Variants in MROH2B observed in about 807,000 individuals in gnomAD.
The protein encoded by MROH2B is maestro heat-like repeat-containing protein family member 2B.
In MROH2B, 177 loss-of-function variants were observed where a neutral mutation model predicts 208.6. The ratio of observed to expected loss-of-function variants is 0.85; its 90% CI spans 0.75 to 0.96. MROH2B has a LOEUF of 0.96. Among genes scored for constraint, MROH2B ranks in the 40% least tolerant of loss-of-function variants. The probability of loss-of-function intolerance (pLI) is 0.00; values close to 1 mark genes in which losing one functional copy is unlikely to be tolerated. For synonymous variants in MROH2B, 728 were observed against 659.0 expected (o/e 1.10, Z -1.60); for missense variants, 2,002 against 1,878.7 (o/e 1.07, Z -1.21).
intron 21 of MROH2B, among the ~76,000 whole-genome samples, chr5:41,035,198 T>A (rs1742715009): frequency 6.6e-6 from 1 of 152,092 alleles, no homozygotes; most frequent in South Asian, 2.1e-4. Flanking sequence ...ACTATAAGGC[T>A]ATAGTAATCA....
intron 37 of MROH2B, among the ~76,000 whole-genome samples, chr5:41,002,749 C>A (rs887869883): frequency 3.3e-5 from 5 of 152,094 alleles, no homozygotes; most frequent in Admixed American, 6.5e-5. Flanking sequence ...TGACACTGGG[C>A]AACATTATCT....
At chr5:41,023,910 A>G (rs1212196622) in intron 24 of MROH2B, among the ~76,000 whole-genome samples, 1 of 152,254 alleles carries the variant, frequency 6.6e-6, no homozygotes, top group South Asian at 2.1e-4. Flanking sequence ...TTTTCAACCC[A>G]GAATTTCATA....
At chr5:41,001,798 C>A (rs7724910) in intron 37 of MROH2B, among the ~76,000 whole-genome samples, 1 of 151,630 alleles carries the variant, frequency 6.6e-6, no homozygotes, top group Non-Finnish European at 1.5e-5. Flanking sequence ...ATTGGAGTTA[C>A]GTTTCAGAGT....
At chr5:41,036,568 A>G (rs1742767024) in intron 21 of MROH2B, among the ~76,000 whole-genome samples, 1 of 152,200 alleles carries the variant, frequency 6.6e-6, no homozygotes, top group African/African-American at 2.4e-5. Flanking sequence ...TTGTAGCAAC[A>G]AGGATGGAGC....
At chr5:41,062,603 A>G (rs1197186915) in intron 5 of MROH2B, among the ~76,000 whole-genome samples, 3 of 152,214 alleles carry the variant, frequency 2.0e-5, no homozygotes, top group Non-Finnish European at 2.9e-5. Flanking sequence ...AAATAATAAT[A>G]TTATTTTCTT....
chr5:41,065,565 C>T, intron 3 of MROH2B, 75 bp from the exon 4 acceptor site: 2 of 1,174,360 alleles, frequency 1.7e-6, no homozygotes, highest in Admixed American at 2.3e-5. Context: ...AACTAGTCAG[C>T]ATAATATTTA....
At chr5:41,008,554 G>A in intron 33 of MROH2B, 52 bp downstream of exon 33, 1 of 1,592,240 alleles carries the variant, frequency 6.3e-7, no homozygotes, top group Non-Finnish European at 8.6e-7. Flanking sequence ...CACCACTCCT[G>A]GAGTCTGGGA....
chr5:41,069,872 G>A (rs1023756295), intron 1 of MROH2B, 120 bp from the exon 2 acceptor site: 1 of 708,774 alleles, frequency 1.4e-6, no homozygotes, highest in African/African-American at 1.8e-5. Flanking sequence ...TCTCTCCCTT[G>A]ACTGCTAGCT....
At chr5:41,067,081 CT>C (rs1743835069) in intron 3 of MROH2B, 26 bp downstream of exon 3, 2 of 1,409,376 alleles carry the variant, frequency 1.4e-6, no homozygotes, top group Admixed American at 2.0e-5. Context: ...CATAAAGACC[CT>C]TTTCACCATC....
In MROH2B at chr5:41,018,797, A is replaced by G; in HGVS notation, c.2578-11T>C. 1.2e-6 allele frequency: 2 copies of G among 1,613,812 alleles called. No individual in the cohort carries two copies. Among genetic ancestry groups the G allele is most frequent in the Non-Finnish European group, 1.7e-6 (2 of 1,179,820 alleles). On this transcript the variant is annotated splice_polypyrimidine_tract_variant and intron_variant, in intron 25 of 41. Coordinates refer to ENST00000399564, the MANE Select transcript of MROH2B (RefSeq NM_173489.5). Reference sequence around the variant, plus strand: ...TCGTTCATAGAGAAACTGAAATCAAATATGTGTGTGTGAGTCTCAGGCTGG... The same window carrying G: ...TCGTTCATAGAGAAACTGAAATCAAGTATGTGTGTGTGAGTCTCAGGCTGG...
At chr5:41,059,504 C>G (rs1743571321) in intron 6 of MROH2B, among the ~76,000 whole-genome samples, 1 of 152,082 alleles carries the variant, frequency 6.6e-6, no homozygotes, top group Non-Finnish European at 1.5e-5. Context: ...TTTGTATCAG[C>G]TACATTTTAC....
In MROH2B at chr5:41,058,202, G is replaced by C; in HGVS notation, c.617C>G (p.Thr206Ser). ...KWAPLASPMQ[T>S]LSIVKAHGPT... ...CCCGTGGGCCTTAACGATGCTCAAA[G>C]TCTGTACAGGCAGCAAACAAATACC... Residue 206 changes from threonine to serine, a missense_variant and splice_region_variant, in exon 7 of 42, where the codon ACT becomes AGT. By Grantham distance (58) the Thr-to-Ser change is moderately conservative. Transcript: ENST00000399564. 4 of 1,558,404 alleles carry C rather than the reference G, an allele frequency of 2.6e-6. No individual in the cohort carries two copies. The highest frequency in any genetic ancestry group is 3.5e-6 in the Non-Finnish European group (4 of 1,151,120).
Position 41,005,622 on chromosome 5 carries a change from C to T in MROH2B, c.3773G>A (p.Gly1258Glu). 6.2e-7 allele frequency: 1 copy of T among 1,611,874 alleles called. No homozygotes were observed. The highest frequency in any genetic ancestry group is 8.5e-7 in the Non-Finnish European group (1 of 1,179,062). The part of the protein sequence containing the change: ...LARSMAVWQH[G>E]VILDIMEQLL... ...CTGTTCCATGATGTCCAGTATGACT[C>T]CGTGTTGCCACACTGCCATGCTCCT... is the stretch of plus-strand genomic sequence containing the variant. The change falls in exon 35 of 42, where the codon GGA becomes GAA. Residue 1258 changes from glycine to glutamate, a missense_variant. By Grantham distance (98) the Gly-to-Glu change is moderately conservative. Transcript: ENST00000399564.
intron 30 of MROH2B, 87 bp downstream of exon 30, chr5:41,012,496 T>C: frequency 7.1e-7 from 1 of 1,407,086 alleles, no homozygotes. Flanking sequence ...ATGCTGCCCA[T>C]CAGTGGACAA....
At chr5:41,069,382 A>G (rs1460528641) in intron 2 of MROH2B, among the ~76,000 whole-genome samples, 1 of 152,212 alleles carries the variant, frequency 6.6e-6, no homozygotes, top group Non-Finnish European at 1.5e-5. Flanking sequence ...CCCTCAAATT[A>G]TAAAAGAAAC....
chr5:41,026,289 A>C (rs1395454521), intron 24 of MROH2B, among the ~76,000 whole-genome samples: 1 of 152,226 alleles, frequency 6.6e-6, no homozygotes, highest in Non-Finnish European at 1.5e-5. Flanking sequence ...AGAAAACCCC[A>C]TTGTCTCAGC....
Position 41,042,117 on chromosome 5 carries a change from G to T in MROH2B, c.1928C>A (p.Pro643His). The change falls in exon 19 of 42, where the codon CCC becomes CAC. Residue 643 changes from proline to histidine, a missense_variant. Coordinates refer to ENST00000399564, the MANE Select transcript of MROH2B (RefSeq NM_173489.5). ...CTGTCTTTGATCCCCCAGTTGGTTG[G>T]GAGCAGTCAGAAACTCCTTAATCTG... ...NSQIKEFLTAPNQLGDQRQGI... is the reference protein window; with the variant it reads ...NSQIKEFLTAHNQLGDQRQGI... The T allele has an allele frequency of 6.3e-7, 1 of 1,592,596 alleles. No individual in the cohort carries two copies. The highest frequency in any genetic ancestry group is 2.3e-5 in the East Asian group (1 of 44,298).
At chr5:41,047,807 C>G in intron 16 of MROH2B, 43 bp from the exon 17 acceptor site, 1 of 1,519,254 alleles carries the variant, frequency 6.6e-7, no homozygotes, top group Non-Finnish European at 9.0e-7. Context: ...AAAACAAAAC[C>G]ACCCCAAGAC....
At position 40,998,640 on chromosome 5, in the gene MROH2B, C is replaced by T. The variant is rs1459251799; in HGVS notation, c.4623G>A (p.Glu1541=). Residue 1541 remains glutamate, a synonymous_variant, in exon 41 of 42, where the codon GAG becomes GAA. Transcript: ENST00000399564. ...VVLNLTSQYV[E]LLDREQLTTR... ...TGGTCAGTTGTTCTCTGTCTAGTAA[C>T]TCCACATATTGGCTGGTCAAATTGA... 2 of 1,596,208 alleles carry T rather than the reference C, an allele frequency of 1.3e-6. No individual in the cohort carries two copies. The highest frequency in any genetic ancestry group is 1.7e-4 in the Middle Eastern group (1 of 6,042).
Sources: gnomAD v4.1 joint callset for allele counts (sites outside exome capture counted in the v4.1 genomes callset) on GRCh38, gnomAD v4.1.1 for gene constraint, MANE v1.5 for transcripts, NCBI Gene and HGNC (gene_info 2026-07-23, HGNC 2026-07-21) for gene names.